Variants in ARHGAP18 observed in about 807,000 individuals in gnomAD.
ARHGAP18 encodes the protein Rho GTPase activating protein 18.
ARHGAP18 carries 67 observed loss-of-function variants against 86.2 expected under a neutral mutation model. The observed-to-expected ratio is 0.78, with a 90% CI of 0.64 to 0.95. The LOEUF is 0.95. ARHGAP18 is among the 40% of genes least tolerant of loss of function. ARHGAP18 has a pLI of 0.00. For missense variants in ARHGAP18, 691 were observed against 780.4 expected, an observed-to-expected ratio of 0.89 and a Z score of 1.37; for synonymous variants, 283 against 280.4, an observed-to-expected ratio of 1.01 and a Z score of -0.09.
chr6:129,600,653 GT>G lies in ARHGAP18; in HGVS notation c.1560del (p.Lys520AsnfsTer11). ...TGATATATACTTACTGTCCACAGAA[GT>G]TTTTGGTACTTAATCAATAAGTGCA... ...NTMHLLIKYQ[K>X]LLWTIPKFIV... is the part of the protein sequence containing the mutation. On this transcript the variant is annotated frameshift_variant, in exon 11 of 15. Coordinates refer to ENST00000368149, the MANE Select transcript of ARHGAP18 (RefSeq NM_033515.3). LOFTEE classifies it high-confidence loss of function. The G allele has an allele frequency of 6.2e-7, 1 of 1,613,000 alleles. No homozygotes were observed. Among genetic ancestry groups the G allele is most frequent in the South Asian group, 1.1e-5 (1 of 91,032 alleles).
chr6:129,685,745 G>A (rs948902845), intron 1 of ARHGAP18, among the ~76,000 whole-genome samples: 7 of 146,194 alleles, frequency 4.8e-5, no homozygotes, highest in Admixed American at 6.7e-5. Flanking sequence ...AAAAATACAA[G>A]GCAGCTTTTT....
At chr6:129,650,816 C>T (rs1280771151) in intron 1 of ARHGAP18, among the ~76,000 whole-genome samples, 2 of 152,188 alleles carry the variant, frequency 1.3e-5, no homozygotes, top group East Asian at 3.9e-4. Flanking sequence ...CTACCTTGCA[C>T]TTGGAGCATA....
chr6:129,606,685 A>G (rs923393981), intron 9 of ARHGAP18, among the ~76,000 whole-genome samples: 1 of 152,202 alleles, frequency 6.6e-6, no homozygotes, highest in African/African-American at 2.4e-5. Context: ...TATTCTATTT[A>G]AAGAAGAAAC....
chr6:129,599,508 TGTGAA>T (rs1788692643), intron 11 of ARHGAP18, 152 bp from the exon 12 acceptor site: 1 of 689,750 alleles, frequency 1.4e-6, no homozygotes, highest in Non-Finnish European at 2.1e-6. Flanking sequence ...TCATTAAATC[TGTGAA>T]AAGAAAATAC....
At chr6:129,672,979 G>A (rs752409642) in intron 1 of ARHGAP18, among the ~76,000 whole-genome samples, 22 of 152,208 alleles carry the variant, frequency 1.4e-4, no homozygotes, top group Non-Finnish European at 2.9e-4. Context: ...AAGGGAGCAA[G>A]CAGTCTCCAG....
intron 1 of ARHGAP18, among the ~76,000 whole-genome samples, chr6:129,707,351 G>T (rs1329001222): frequency 1.3e-5 from 2 of 152,060 alleles, no homozygotes; most frequent in Non-Finnish European, 2.9e-5. Context: ...ATATTTCAAA[G>T]AACATATTAC....
In ARHGAP18 at chr6:129,675,764, G is replaced by C. The variant is rs79872919; in HGVS notation, c.114-33746C>G. Reference sequence around the variant, plus strand: ...GTTTTTCCTTGTTCCTAGAGATGCAGGTAATAAATTCCCCTCCATACGTCC... The same window carrying C: ...GTTTTTCCTTGTTCCTAGAGATGCACGTAATAAATTCCCCTCCATACGTCC... On this transcript the variant is annotated intron_variant, in intron 1 of 14. Transcript: ENST00000368149. 8.2e-3 allele frequency among the ~76,000 whole-genome samples: 1,245 copies of C among 152,246 alleles called. 21 individuals are homozygous for C. Among genetic ancestry groups the C allele is most frequent in the African/African-American group, 0.029 (1,198 of 41,544 alleles).
chr6:129,697,187 G>C (rs1190065351), intron 1 of ARHGAP18, among the ~76,000 whole-genome samples: 1 of 152,160 alleles, frequency 6.6e-6, no homozygotes, highest in Non-Finnish European at 1.5e-5. Flanking sequence ...AGAAATGCAG[G>C]AGATAACCAA....
intron 1 of ARHGAP18, among the ~76,000 whole-genome samples, chr6:129,650,631 T>TA (rs139307153): frequency 0.014 from 2,159 of 152,296 alleles, 54 homozygotes; most frequent in African/African-American, 0.05. Context: ...GACTTTGACA[T>TA]AAAAATCTCA....
chr6:129,634,241 C>A (rs192456287), intron 3 of ARHGAP18, 136 bp from the exon 4 acceptor site: 2 of 647,326 alleles, frequency 3.1e-6, no homozygotes, highest in East Asian at 5.4e-5. Flanking sequence ...GAAAAAGGGG[C>A]ACTAAGATAA....
At chr6:129,582,301 T>C (rs921220259) in intron 13 of ARHGAP18, among the ~76,000 whole-genome samples, 1 of 152,164 alleles carries the variant, frequency 6.6e-6, no homozygotes, top group Non-Finnish European at 1.5e-5. Context: ...ATACCTTAAA[T>C]ATTAAAGTCA....
chr6:129,679,914 G>A (rs1388263553), intron 1 of ARHGAP18, among the ~76,000 whole-genome samples: 1 of 152,156 alleles, frequency 6.6e-6, no homozygotes, highest in African/African-American at 2.4e-5. Context: ...AGCCTCTAGG[G>A]ATCCAGTCCT....
intron 12 of ARHGAP18, chr6:129,596,977 C>T (rs1403845667): frequency 6.6e-6 from 1 of 152,176 alleles, no homozygotes; most frequent in African/African-American, 2.4e-5. Flanking sequence ...CTGGCAGTTG[C>T]CAGTTGGAAG....
chr6:129,659,397 C>CCA (rs1220501010), intron 1 of ARHGAP18, among the ~76,000 whole-genome samples: 3 of 152,224 alleles, frequency 2.0e-5, no homozygotes, highest in Non-Finnish European at 4.4e-5. Flanking sequence ...CTACTTTATT[C>CCA]CACACTATGC....
At chr6:129,657,707 A>C (rs1773868424) in intron 1 of ARHGAP18, among the ~76,000 whole-genome samples, 1 of 152,200 alleles carries the variant, frequency 6.6e-6, no homozygotes, top group South Asian at 2.1e-4. Flanking sequence ...CTGTGAGAAC[A>C]ATGATTAAAA....
chr6:129,666,356 C>G (rs544402692), intron 1 of ARHGAP18, among the ~76,000 whole-genome samples: 4 of 152,376 alleles, frequency 2.6e-5, no homozygotes, highest in African/African-American at 9.6e-5. Context: ...ACCACTAATG[C>G]AATACAGTCC....
intron 2 of ARHGAP18, among the ~76,000 whole-genome samples, chr6:129,641,550 A>T (rs763561285): frequency 2.6e-5 from 4 of 152,218 alleles, no homozygotes; most frequent in Non-Finnish European, 4.4e-5. Flanking sequence ...TTCAAAGATG[A>T]AGTCTAACTC....
chr6:129,674,239 A>C (rs577104180), intron 1 of ARHGAP18, among the ~76,000 whole-genome samples: 2 of 152,326 alleles, frequency 1.3e-5, no homozygotes, highest in East Asian at 3.9e-4. Flanking sequence ...CCACAACTTT[A>C]AAAAAGACAC....
chr6:129,602,808 G>C (rs1228901166), intron 10 of ARHGAP18, among the ~76,000 whole-genome samples: 1 of 151,924 alleles, frequency 6.6e-6, no homozygotes, highest in Non-Finnish European at 1.5e-5. Flanking sequence ...ATAAATTACA[G>C]ACATTAGGTA....
Sources: gnomAD v4.1 joint callset for allele counts (sites outside exome capture counted in the v4.1 genomes callset) on GRCh38, gnomAD v4.1.1 for gene constraint, MANE v1.5 for transcripts, NCBI Gene and HGNC (gene_info 2026-07-23, HGNC 2026-07-21) for gene names.